PAX2: variants seen among roughly 807,000 people sequenced by gnomAD.
The protein encoded by PAX2 is paired box 2, also known as paired box protein Pax-2.
A neutral mutation model predicts 41.7 loss-of-function variants in PAX2; 9 were observed. The ratio of observed to expected loss-of-function variants is 0.22; its 90% CI spans 0.13 to 0.38. The LOEUF is 0.38. Among genes scored for constraint, PAX2 ranks in the 10% least tolerant of loss-of-function variants. The pLI is 1.00. For missense variants in PAX2, 418 were observed against 531.6 expected (o/e 0.79, Z 2.10); for synonymous variants, 221 against 212.7 (o/e 1.04, Z -0.34).
chr10:100,813,757 C>T (rs1174209081), intron 7 of PAX2, among the ~76,000 whole-genome samples: 1 of 152,166 alleles, frequency 6.6e-6, no homozygotes, highest in African/African-American at 2.4e-5. Context: ...CAGGAACTTA[C>T]ATAAAAATTT....
At chr10:100,741,925 C>T (rs934967851), upstream of PAX2, among the ~76,000 whole-genome samples, 22 of 152,228 alleles carry the variant, frequency 1.4e-4, no homozygotes, top group Admixed American at 8.5e-4. Context: ...CCTCAGACCC[C>T]GGTCCTAGCT....
At chr10:100,766,854 A>G (rs746843169) in intron 3 of PAX2, among the ~76,000 whole-genome samples, 4 of 152,188 alleles carry the variant, frequency 2.6e-5, no homozygotes, top group Non-Finnish European at 5.9e-5. Flanking sequence ...CTCAACCCAC[A>G]TCACCAAGGA....
At position 100,826,446 on chromosome 10, in the gene PAX2, C is replaced by A. The variant is rs935417118; in HGVS notation, c.1022-563C>A. On this transcript the variant is annotated intron_variant, in intron 8 of 9. Transcript: ENST00000355243. This position sits in a 1 kb window ranked among gnomAD's most constrained non-coding sequence, Gnocchi z 5.5. ...GGCAGTCCACCTGCGCCGCCTCCAT[C>A]CCCTGCCGCGTAGCCCACGCATCCA... Among the ~76,000 whole-genome samples the A allele has an allele frequency of 2.0e-5, 3 of 152,218 alleles. No individual in the cohort carries two copies. Among genetic ancestry groups the A allele is most frequent in the African/African-American group, 4.8e-5 (2 of 41,470 alleles).
intron 5 of PAX2, among the ~76,000 whole-genome samples, chr10:100,801,062 G>A (rs1847545424): frequency 6.6e-6 from 1 of 152,208 alleles, no homozygotes; most frequent in Non-Finnish European, 1.5e-5. Flanking sequence ...CTAGGGTCCT[G>A]CTGTCAGTAG....
At chr10:100,802,293 A>T (rs536757786) in intron 5 of PAX2, among the ~76,000 whole-genome samples, 1 of 152,146 alleles carries the variant, frequency 6.6e-6, no homozygotes, top group Non-Finnish European at 1.5e-5. Context: ...TCAAATGTAG[A>T]TGTGTTCTCC....
chr10:100,774,421 A>G (rs1846314265), intron 3 of PAX2, among the ~76,000 whole-genome samples: 1 of 152,014 alleles, frequency 6.6e-6, no homozygotes, highest in Non-Finnish European at 1.5e-5. Flanking sequence ...TCCAGCCCCC[A>G]GTCTGTCTGC....
rs1845131880 is a variant in PAX2 at position 100,745,700 on chromosome 10, T to A, written c.-561T>A. The A allele has an allele frequency of 3.9e-6, 3 of 776,578 alleles. No homozygotes were observed. The highest frequency in any genetic ancestry group is 1.9e-5 in the African/African-American group (1 of 53,466). The allele number at this position is 776,578 out of a possible 1,614,324, so 48.1% of individuals were successfully genotyped here. On this transcript the variant is annotated 5_prime_UTR_variant, in exon 1 of 10. Coordinates refer to ENST00000355243, the MANE Select transcript of PAX2 (RefSeq NM_000278.5). ...TCGGCCGCGGCGGCGTGCGCCTGCC[T>A]TTTCCGGGGGCGGGGGCCTGGCCCG...
Position 100,753,932 on chromosome 10 carries a change from C to T in PAX2, c.410+3041C>T, listed in dbSNP as rs542609710. Among the ~76,000 whole-genome samples, 81 of 152,340 alleles carry T rather than the reference C, an allele frequency of 5.3e-4. No individual in the cohort carries two copies. The South Asian group carries it at 0.017, about 32-fold the overall frequency. On this transcript the variant is annotated intron_variant, in intron 3 of 9. Coordinates refer to ENST00000355243, the MANE Select transcript of PAX2 (RefSeq NM_000278.5). ...CCTCCCCACTGCCACAAACCACGTT[C>T]AAAAATCCCAAGGCTTGACTGGGCT...
chr10:100,760,439 C>A (rs1182824506), intron 3 of PAX2, among the ~76,000 whole-genome samples: 9 of 152,210 alleles, frequency 5.9e-5, no homozygotes, highest in Non-Finnish European at 1.2e-4. Flanking sequence ...AAGGTACACA[C>A]AGGGTCCCGA....
chr10:100,810,691 A>G (rs528399524), intron 7 of PAX2, among the ~76,000 whole-genome samples: 3 of 152,178 alleles, frequency 2.0e-5, no homozygotes, highest in African/African-American at 4.8e-5. Flanking sequence ...TTCAAAGAGA[A>G]CCCGGGAGAC....
At chr10:100,749,543 C>A in intron 1 of PAX2, 3 of 1,365,436 alleles carry the variant, frequency 2.2e-6, no homozygotes, top group East Asian at 2.8e-5. Flanking sequence ...TCTCGCCCAG[C>A]CCCCAGTCTT....
Position 100,823,360 on chromosome 10 carries a change from A to G in PAX2, c.920-1288A>G, listed in dbSNP as rs147395578. Reference sequence around the variant, plus strand: ...GCTCTGTATAGCTAGGGAAGGATAAATCACTCAGACGTGTCAAGGTAGGGA... The same window carrying G: ...GCTCTGTATAGCTAGGGAAGGATAAGTCACTCAGACGTGTCAAGGTAGGGA... On this transcript the variant is annotated intron_variant, in intron 7 of 9. Transcript: ENST00000355243. 5.2e-3 allele frequency among the ~76,000 whole-genome samples: 794 copies of G among 152,292 alleles called. 12 individuals carry two copies. Among genetic ancestry groups the G allele is most frequent in the South Asian group, 0.044 (214 of 4,820 alleles).
At chr10:100,820,399 T>C (rs1848338809) in intron 7 of PAX2, among the ~76,000 whole-genome samples, 1 of 152,228 alleles carries the variant, frequency 6.6e-6, no homozygotes, top group Non-Finnish European at 1.5e-5. Context: ...TACCTCATCA[T>C]CTGGAAGGCT....
intron 3 of PAX2, among the ~76,000 whole-genome samples, chr10:100,751,257 A>T (rs1845430217): frequency 6.6e-6 from 1 of 152,004 alleles, no homozygotes; most frequent in South Asian, 2.1e-4. Context: ...ATCCCTCCAA[A>T]CAGACTGGCC....
intron 3 of PAX2, among the ~76,000 whole-genome samples, chr10:100,777,832 A>G (rs1846454257): frequency 6.6e-6 from 1 of 152,234 alleles, no homozygotes; most frequent in African/African-American, 2.4e-5. Context: ...ATTGTGTATA[A>G]TATTGGCACA....
intron 6 of PAX2, 111 bp from the exon 7 acceptor site, chr10:100,808,998 TC>T: frequency 1.0e-6 from 1 of 993,978 alleles, no homozygotes; most frequent in Non-Finnish European, 1.6e-6. Context: ...CCCCACCATC[TC>T]TTTCTACCCC....
intron 5 of PAX2, among the ~76,000 whole-genome samples, chr10:100,800,584 A>G (rs1422159423): frequency 1.3e-5 from 2 of 151,896 alleles, no homozygotes; most frequent in African/African-American, 4.8e-5. Flanking sequence ...CCATTATTTC[A>G]TTTTATCTAT....
intron 1 of PAX2, chr10:100,735,802 C>T (rs1844764333): frequency 2.1e-6 from 2 of 950,284 alleles, no homozygotes; most frequent in African/African-American, 1.7e-5. Flanking sequence ...GCGGCCATGG[C>T]CGGGGCGGGC....
rs1260093620 is a variant in PAX2, at chr10:100,791,768, C to CT, written c.616+10406dup. On this transcript the variant is annotated intron_variant, in intron 5 of 9. Coordinates refer to ENST00000355243, the MANE Select transcript of PAX2 (RefSeq NM_000278.5). The surrounding 1 kb of genome is among the most constrained non-coding windows in gnomAD (Gnocchi z 4.5). ...TGACTCCAGGAGCCGTTCTTTCCTC[C>CT]TTTCTTCCCTCCTCACCTGCCATCT... Among the ~76,000 whole-genome samples, 1 of 152,208 alleles carries CT rather than the reference C, an allele frequency of 6.6e-6. No homozygotes were observed. The highest frequency in any genetic ancestry group is 1.5e-5 in the Non-Finnish European group (1 of 68,030).
Sources: gnomAD v4.1 joint callset for allele counts (sites outside exome capture counted in the v4.1 genomes callset) on GRCh38, gnomAD v4.1.1 for gene constraint, Gnocchi (gnomAD v3.1) non-coding constraint, MANE v1.5 for transcripts, NCBI Gene and HGNC (gene_info 2026-07-23, HGNC 2026-07-21) for gene names.